Variants in SLC35D2 observed in about 807,000 individuals in gnomAD.
SLC35D2 encodes the protein nucleotide sugar transporter SLC35D2.
In SLC35D2, 43 loss-of-function variants were observed where a neutral mutation model predicts 41.8. That is an observed-to-expected ratio of 1.03 (90% CI 0.81 to 1.33). SLC35D2 has a LOEUF of 1.33. Among genes scored for constraint, SLC35D2 ranks in the 40% most tolerant of loss-of-function variants. SLC35D2 has a pLI of 0.00. For missense variants in SLC35D2, 380 were observed against 408.4 expected (o/e 0.93, Z 0.60); for synonymous variants, 150 against 163.9 (o/e 0.92, Z 0.65).
Position 96,362,177 on chromosome 9 carries a change from A to T in SLC35D2, c.280-1956T>A, listed in dbSNP as rs1830304101. Among the ~76,000 whole-genome samples, 3 of 152,316 alleles carry T rather than the reference A, an allele frequency of 2.0e-5. No individual in the cohort carries two copies. In the South Asian group the frequency reaches 6.2e-4, roughly 32 times the overall value. Reference sequence around the variant, plus strand: ...AAGAACATAGAGTTAGATTCCCTTTATCTCAAGTTTAAAAGCAGGTAAAAC... The same window carrying T: ...AAGAACATAGAGTTAGATTCCCTTTTTCTCAAGTTTAAAAGCAGGTAAAAC... On this transcript the variant is annotated intron_variant, in intron 3 of 11. Transcript: ENST00000253270.
intron 10 of SLC35D2, among the ~76,000 whole-genome samples, chr9:96,323,654 C>T (rs75162553): frequency 0.13 from 20,105 of 152,070 alleles, 1,778 homozygotes; most frequent in East Asian, 0.29. Flanking sequence ...GGGCCGGGCT[C>T]GGTGGCTCAC....
At chr9:96,344,097 G>A (rs1034170711) in intron 7 of SLC35D2, 101 bp from the exon 8 acceptor site, 2 of 666,568 alleles carry the variant, frequency 3.0e-6, no homozygotes. Flanking sequence ...AAGTTAGAAT[G>A]TGCATTCTGA....
In SLC35D2 at chr9:96,383,601, C is replaced by A. The variant is rs1473248054; in HGVS notation, c.34G>T (p.Ala12Ser). 2.3e-5 allele frequency: 31 copies of A among 1,357,418 alleles called. No homozygotes were observed. Among genetic ancestry groups the A allele is most frequent in the South Asian group, 9.8e-5 (6 of 61,262 alleles). The allele number at this position is 1,357,418 out of a possible 1,614,324, so 84.1% of individuals were successfully genotyped here. ...CGCGCCGCGCCGGGCTCCCCGCCAG[C>A]GCCCTCGGCCTCGGCCTGGCCGCCG... ...TAGGQAEAEGAGGEPGAARLP... is the reference protein window; with the variant it reads ...TAGGQAEAEGSGGEPGAARLP... Residue 12 changes from alanine to serine, a missense_variant, in exon 1 of 12, where the codon GCT becomes TCT. By Grantham distance (99) the Ala-to-Ser change is moderately conservative. Coordinates refer to ENST00000253270, the MANE Select transcript of SLC35D2 (RefSeq NM_007001.3).
chr9:96,345,819 G>A (rs1020292600), intron 6 of SLC35D2, among the ~76,000 whole-genome samples: 11 of 152,218 alleles, frequency 7.2e-5, no homozygotes, highest in African/African-American at 2.4e-4. Context: ...CTGGGTAAGA[G>A]GGGTCGCATG....
At chr9:96,342,430 A>C (rs139644878) in intron 8 of SLC35D2, among the ~76,000 whole-genome samples, 39 of 152,256 alleles carry the variant, frequency 2.6e-4, no homozygotes, top group African/African-American at 9.1e-4. Context: ...TCGCCTGGCC[A>C]AGAGTTCATA....
At chr9:96,317,505 C>T (rs1260558665), downstream of SLC35D2, among the ~76,000 whole-genome samples, 1 of 152,182 alleles carries the variant, frequency 6.6e-6, no homozygotes, top group African/African-American at 2.4e-5. Context: ...AACTTTCAAC[C>T]CAGCTCCTAG....
intron 9 of SLC35D2, among the ~76,000 whole-genome samples, chr9:96,335,065 G>C (rs1377817885): frequency 6.6e-6 from 1 of 152,234 alleles, no homozygotes; most frequent in African/African-American, 2.4e-5. Flanking sequence ...GAATTGAAGA[G>C]TGTTGATCAA....
chr9:96,359,029 G>C (rs1190122791), intron 4 of SLC35D2, among the ~76,000 whole-genome samples: 1 of 152,088 alleles, frequency 6.6e-6, no homozygotes, highest in African/African-American at 2.4e-5. Context: ...CAGTGGCCGG[G>C]TGCGGTGGCT....
intron 4 of SLC35D2, among the ~76,000 whole-genome samples, chr9:96,352,597 C>T (rs1442134015): frequency 6.6e-6 from 1 of 151,252 alleles, no homozygotes; most frequent in African/African-American, 2.4e-5. Flanking sequence ...GCTGGGATTA[C>T]AGGCGTGAGC....
chr9:96,319,119 T>A (rs1172034151), downstream of SLC35D2, among the ~76,000 whole-genome samples: 1 of 152,178 alleles, frequency 6.6e-6, no homozygotes, highest in African/African-American at 2.4e-5. Context: ...GCAAGCCGAG[T>A]GTCCATCAGC....
intron 1 of SLC35D2, among the ~76,000 whole-genome samples, chr9:96,371,262 C>T (rs980485494): frequency 1.3e-5 from 2 of 151,800 alleles, no homozygotes; most frequent in African/African-American, 2.4e-5. Flanking sequence ...GTCAGGAGTT[C>T]GAAACCAGCC....
intron 2 of SLC35D2, among the ~76,000 whole-genome samples, chr9:96,366,445 G>C (rs1031419046): frequency 1.3e-5 from 2 of 151,450 alleles, no homozygotes; most frequent in Admixed American, 6.6e-5. Context: ...CTTTACCTTT[G>C]AGTATAAGCC....
intron 7 of SLC35D2, among the ~76,000 whole-genome samples, chr9:96,344,904 G>C (rs1423369014): frequency 6.6e-6 from 1 of 152,100 alleles, no homozygotes; most frequent in Non-Finnish European, 1.5e-5. Context: ...AGAAGTTAAG[G>C]TTCAAAGTCA....
In SLC35D2 at chr9:96,321,195, C is replaced by T. The variant is rs752802212; in HGVS notation, c.*47G>A. 26 of 1,428,050 alleles carry T rather than the reference C, an allele frequency of 1.8e-5. No homozygotes were observed. In the Admixed American group the frequency reaches 2.7e-4, roughly 15 times the overall value. The allele number at this position is 1,428,050 out of a possible 1,614,324, so 88.5% of individuals were successfully genotyped here. A position where few individuals can be genotyped will look rare whatever the true frequency, so the allele number is the denominator to read the frequency against. ...CTTCACATTCCTACTGGGAATGCCCCCCCAGCCCGCAGTCACAAGTCAGTC... is the reference window on the plus strand; with the variant it reads ...CTTCACATTCCTACTGGGAATGCCCTCCCAGCCCGCAGTCACAAGTCAGTC... On this transcript the variant is annotated 3_prime_UTR_variant, in exon 12 of 12. Transcript: ENST00000253270.
Position 96,383,692 on chromosome 9 carries a change from C to T in SLC35D2, c.-58G>A, listed in dbSNP as rs1831308755. 1 of 965,418 alleles carries T rather than the reference C, an allele frequency of 1.0e-6. No homozygotes were observed. The highest frequency in any genetic ancestry group is 1.2e-6 in the Non-Finnish European group (1 of 809,982). 59.8% of individuals were successfully genotyped at this position (965,418 alleles called of 1,614,324 possible). On this transcript the variant is annotated 5_prime_UTR_variant, in exon 1 of 12. Coordinates refer to ENST00000253270, the MANE Select transcript of SLC35D2 (RefSeq NM_007001.3). ...AGCCCCGGCTGCGCACTGGTCCCGC[C>T]CGGCCGGGCCGGGGAAGAGGGCGCG... is the stretch of plus-strand genomic sequence containing the variant.
chr9:96,322,324 G>A lies in SLC35D2; in HGVS notation c.832-244C>T, dbSNP rs1828276064. On this transcript the variant is annotated intron_variant, in intron 10 of 11. Coordinates refer to ENST00000253270, the MANE Select transcript of SLC35D2 (RefSeq NM_007001.3). ...ACTTGAGCCCAGGAGTTTAAGACCAGCCTGGGCAACATAGTGAGATCCCAT... is the reference window on the plus strand; with the variant it reads ...ACTTGAGCCCAGGAGTTTAAGACCAACCTGGGCAACATAGTGAGATCCCAT... Among the ~76,000 whole-genome samples, 2 of 152,054 alleles carry A rather than the reference G, an allele frequency of 1.3e-5. 1 individual carries two copies. The highest frequency in any genetic ancestry group is 3.9e-4 in the East Asian group (2 of 5,190).
intron 1 of SLC35D2, among the ~76,000 whole-genome samples, chr9:96,370,671 A>T (rs986231483): frequency 2.1e-4 from 32 of 152,286 alleles, no homozygotes; most frequent in African/African-American, 7.5e-4. Flanking sequence ...AAATAAAAAA[A>T]AATAAATTTT....
In SLC35D2 at chr9:96,321,092, T is replaced by C. The variant is rs1194897754; in HGVS notation, c.*150A>G. On this transcript the variant is annotated 3_prime_UTR_variant, in exon 12 of 12. Transcript: ENST00000253270. ...GAGACTGCCATTGGCTCATCCTGCA[T>C]ATGAGGTAGTTCTCTTTGCATTTTG... The C allele has an allele frequency of 1.7e-6, 1 of 604,486 alleles. No individual in the cohort carries two copies. Among genetic ancestry groups the C allele is most frequent in the Non-Finnish European group, 2.9e-6 (1 of 340,856 alleles). The allele number at this position is 604,486 out of a possible 1,614,324, so 37.4% of individuals were successfully genotyped here.
intron 1 of SLC35D2, among the ~76,000 whole-genome samples, chr9:96,373,579 C>A (rs1038695262): frequency 6.6e-6 from 1 of 150,872 alleles, no homozygotes; most frequent in South Asian, 2.1e-4. Context: ...CCCAGCTACT[C>A]GGGAGGCTGA....
Sources: allele counts gnomAD v4.1 joint callset (sites outside exome capture counted in the v4.1 genomes callset), GRCh38; gene constraint gnomAD v4.1.1; transcripts MANE v1.5; gene names NCBI Gene and HGNC (gene_info 2026-07-23, HGNC 2026-07-21).